TMEM178B: variants seen among roughly 807,000 people sequenced by gnomAD.
The protein encoded by TMEM178B is transmembrane protein 178B.
Under a neutral mutation model 31.0 loss-of-function variants are expected in TMEM178B, and 5 were observed. The observed-to-expected ratio is 0.16, with a 90% CI of 0.08 to 0.34. The LOEUF is 0.34. Ranked by LOEUF, TMEM178B falls within the 10% of genes least tolerant of loss-of-function variation. The probability of loss-of-function intolerance (pLI) is 1.00; values close to 1 mark genes in which losing one functional copy is unlikely to be tolerated. For synonymous variants in TMEM178B, 164 were observed against 164.0 expected (o/e 1.00, Z 0.00); for missense variants, 275 against 400.3 (o/e 0.69, Z 2.67).
At chr7:141,181,885 G>A (rs957718177) in intron 1 of TMEM178B, among the ~76,000 whole-genome samples, 9 of 152,112 alleles carry the variant, frequency 5.9e-5, no homozygotes, top group South Asian at 2.1e-4. Context: ...TAGGAGGCTC[G>A]CCTCAACCCA....
intron 2 of TMEM178B, among the ~76,000 whole-genome samples, chr7:141,393,842 C>T (rs574270005): frequency 6.6e-6 from 1 of 152,282 alleles, no homozygotes; most frequent in African/African-American, 2.4e-5. Context: ...TACAACACTC[C>T]ATTGTGGGGA....
intron 3 of TMEM178B, among the ~76,000 whole-genome samples, chr7:141,450,372 A>C: frequency 6.6e-6 from 1 of 152,190 alleles, no homozygotes; most frequent in Non-Finnish European, 1.5e-5. Context: ...AATAAAATCA[A>C]ACCCATCTCT....
At chr7:141,127,733 G>A (rs945952626) in intron 1 of TMEM178B, among the ~76,000 whole-genome samples, 1 of 152,138 alleles carries the variant, frequency 6.6e-6, no homozygotes, top group African/African-American at 2.4e-5. Flanking sequence ...GCAGTCCTAG[G>A]GAACTAACAC....
In TMEM178B at chr7:141,249,659, C is replaced by CTTGTG. The variant is rs1160846; in HGVS notation, c.496+36955_496+36956insTTGTG. ...ATGGGACCCAGTGAGAAAAGGGGCTCATGTGCCTGGCCAAGGGTGGAGTTG... is the reference window on the plus strand; with the variant it reads ...ATGGGACCCAGTGAGAAAAGGGGCTCTTGTGATGTGCCTGGCCAAGGGTGGAGTTG... On this transcript the variant is annotated intron_variant, in intron 2 of 3. Coordinates refer to ENST00000565468, the MANE Select transcript of TMEM178B (RefSeq NM_001195278.2). Among the ~76,000 whole-genome samples the CTTGTG allele has an allele frequency of 3.3e-5, 5 of 151,596 alleles. No individual in the cohort carries two copies. The South Asian group carries it at 1.0e-3, about 32-fold the overall frequency.
At chr7:141,114,266 A>G (rs573273904) in intron 1 of TMEM178B, among the ~76,000 whole-genome samples, 34 of 152,356 alleles carry the variant, frequency 2.2e-4, no homozygotes, top group Admixed American at 1.6e-3. Context: ...AACCAGCCTC[A>G]CACAGATGTA....
intron 2 of TMEM178B, among the ~76,000 whole-genome samples, chr7:141,419,161 T>G (rs922984667): frequency 6.6e-6 from 1 of 152,114 alleles, no homozygotes; most frequent in African/African-American, 2.4e-5. Context: ...CCACCCACCT[T>G]GGCCTCCCAA....
chr7:141,467,971 CAAAAAAA>C (rs1011175319), intron 3 of TMEM178B, among the ~76,000 whole-genome samples: 67 of 74,980 alleles, frequency 8.9e-4, no homozygotes, highest in South Asian at 3.1e-3. Context: ...GATGATCTTT[CAAAAAAA>C]AAAAAAAAAA....
At chr7:141,375,110 C>T (rs1286011426) in intron 2 of TMEM178B, among the ~76,000 whole-genome samples, 1 of 152,250 alleles carries the variant, frequency 6.6e-6, no homozygotes, top group Non-Finnish European at 1.5e-5. Context: ...AGTTCATCCT[C>T]TCACTTGATT....
At chr7:141,449,527 A>G (rs1490512852) in intron 3 of TMEM178B, among the ~76,000 whole-genome samples, 1 of 152,186 alleles carries the variant, frequency 6.6e-6, no homozygotes, top group Non-Finnish European at 1.5e-5. Flanking sequence ...AGCCTGGAGG[A>G]TGGAATCGAA....
At chr7:141,166,734 C>G (rs1238694030) in intron 1 of TMEM178B, among the ~76,000 whole-genome samples, 1 of 152,172 alleles carries the variant, frequency 6.6e-6, no homozygotes, top group Non-Finnish European at 1.5e-5. Context: ...TGATCACTGC[C>G]AAGTCTTGCC....
chr7:141,418,649 T>C (rs1257318856), intron 2 of TMEM178B, among the ~76,000 whole-genome samples: 1 of 152,214 alleles, frequency 6.6e-6, no homozygotes, highest in African/African-American at 2.4e-5. Flanking sequence ...CCCTTAAATG[T>C]CGGTATTCAA....
rs1184672044 is a variant in TMEM178B, at chr7:141,400,771, T to G, written c.497-36837T>G. 3.9e-5 allele frequency among the ~76,000 whole-genome samples: 6 copies of G among 152,232 alleles called. No homozygotes were observed. In the South Asian group the frequency reaches 1.2e-3, roughly 32 times the overall value. ...AACCTTTCATCTGGGCCTTGAGGTG[T>G]GAGTAGTAGAGTGGGGAAGTATTCT... On this transcript the variant is annotated intron_variant, in intron 2 of 3. Transcript: ENST00000565468.
chr7:141,484,124 C>T (rs1486396379), downstream of TMEM178B, among the ~76,000 whole-genome samples: 1 of 152,174 alleles, frequency 6.6e-6, no homozygotes, highest in Non-Finnish European at 1.5e-5. This position sits in a 1 kb window ranked among gnomAD's most constrained non-coding sequence, Gnocchi z 4.8. Flanking sequence ...AGCAGATGTA[C>T]AATGGATATA....
intron 1 of TMEM178B, among the ~76,000 whole-genome samples, chr7:141,135,698 A>G (rs1352713213): frequency 1.3e-5 from 2 of 152,156 alleles, no homozygotes; most frequent in African/African-American, 4.8e-5. Context: ...AAATTGAAAC[A>G]CAGCATACCC....
chr7:141,300,611 A>G (rs1326984391), intron 2 of TMEM178B, among the ~76,000 whole-genome samples: 1 of 151,942 alleles, frequency 6.6e-6, no homozygotes, highest in Non-Finnish European at 1.5e-5. Flanking sequence ...AGTTTCTCGG[A>G]TCCTCCCATC....
intron 1 of TMEM178B, among the ~76,000 whole-genome samples, chr7:141,151,947 C>T (rs547427959): frequency 7.9e-5 from 12 of 152,256 alleles, no homozygotes; most frequent in Admixed American, 4.6e-4. Flanking sequence ...TGACACGTGA[C>T]GTCACAGCCA....
chr7:141,440,617 A>G (rs904126255), intron 3 of TMEM178B, among the ~76,000 whole-genome samples: 6 of 152,090 alleles, frequency 3.9e-5, no homozygotes, highest in Non-Finnish European at 8.8e-5. Context: ...TTACTGGGAA[A>G]GCTCATCCAA....
intron 2 of TMEM178B, among the ~76,000 whole-genome samples, chr7:141,224,011 A>G (rs925985036): frequency 2.0e-5 from 3 of 152,124 alleles, no homozygotes; most frequent in African/African-American, 7.2e-5. Flanking sequence ...GGTGGGAGAT[A>G]ATTGAATCAT....
At chr7:141,168,601 A>G (rs560328383) in intron 1 of TMEM178B, among the ~76,000 whole-genome samples, 4 of 151,990 alleles carry the variant, frequency 2.6e-5, no homozygotes, top group Admixed American at 6.6e-5. Context: ...GTGAAATCCC[A>G]TCTCTACTAA....
Sources: allele counts gnomAD v4.1 joint callset (sites outside exome capture counted in the v4.1 genomes callset), GRCh38; gene constraint gnomAD v4.1.1; non-coding constraint Gnocchi (gnomAD v3.1); transcripts MANE v1.5; gene names NCBI Gene and HGNC (gene_info 2026-07-23, HGNC 2026-07-21).